ERP44: variants seen among roughly 807,000 people sequenced by gnomAD.
The protein encoded by ERP44 is endoplasmic reticulum protein 44, also known as endoplasmic reticulum resident protein 44.
Under a neutral mutation model 53.4 loss-of-function variants are expected in ERP44, and 25 were observed. The observed-to-expected ratio is 0.47, with a 90% CI of 0.34 to 0.65. The LOEUF (loss-of-function observed/expected upper bound fraction) is 0.65. Ranked by LOEUF, ERP44 falls within the 30% of genes least tolerant of loss-of-function variation. The pLI, the probability that ERP44 is intolerant of heterozygous loss-of-function variation, is 0.01. For synonymous variants in ERP44, 145 were observed against 161.2 expected, an observed-to-expected ratio of 0.90 and a Z score of 0.76; for missense variants, 338 against 493.2, an observed-to-expected ratio of 0.69 and a Z score of 2.98.
At chr9:100,056,229 A>G (rs1261159609) in intron 3 of ERP44, among the ~76,000 whole-genome samples, 1 of 152,168 alleles carries the variant, frequency 6.6e-6, no homozygotes, top group Non-Finnish European at 1.5e-5. Flanking sequence ...AATGGATTGG[A>G]CTACATAATC....
intron 1 of ERP44, among the ~76,000 whole-genome samples, chr9:100,091,040 C>G (rs1000179426): frequency 6.6e-6 from 1 of 152,106 alleles, no homozygotes. Context: ...TACTATTCAG[C>G]CTATGGTTTT....
At chr9:99,999,020 G>GCGCCCGCT in intron 10 of ERP44, 2 of 974,590 alleles carry the variant, frequency 2.1e-6, no homozygotes, top group South Asian at 1.3e-5. Flanking sequence ...GTGGGCAGCG[G>GCGCCCGCT]GCGCAGCTGC....
intron 4 of ERP44, among the ~76,000 whole-genome samples, chr9:100,025,993 A>G (rs1210402287): frequency 5.3e-5 from 8 of 152,234 alleles, no homozygotes; most frequent in African/African-American, 1.9e-4. Flanking sequence ...CATGAAAACA[A>G]TGAAGACTAA....
At chr9:100,091,284 C>T (rs1324381622) in intron 1 of ERP44, among the ~76,000 whole-genome samples, 2 of 152,134 alleles carry the variant, frequency 1.3e-5, no homozygotes, top group South Asian at 2.1e-4. Context: ...AGTTAGAATT[C>T]GATTTCAGTC....
chr9:100,032,243 A>C (rs1825800042), intron 4 of ERP44, among the ~76,000 whole-genome samples: 1 of 152,222 alleles, frequency 6.6e-6, no homozygotes, highest in Non-Finnish European at 1.5e-5. Context: ...CTGTTCCTCC[A>C]GGGCTCCACC....
chr9:100,009,934 GAA>G (rs904125677), intron 8 of ERP44, among the ~76,000 whole-genome samples: 5 of 47,072 alleles, frequency 1.1e-4, no homozygotes, highest in African/African-American at 2.2e-4. Context: ...CCTGTCAAAG[GAA>G]AATTCTTTTT....
At chr9:100,005,454 G>C (rs956649821) in intron 10 of ERP44, among the ~76,000 whole-genome samples, 1 of 152,184 alleles carries the variant, frequency 6.6e-6, no homozygotes, top group Admixed American at 6.5e-5. Context: ...TTAATGAATT[G>C]ATAGCTTGAA....
At chr9:100,034,942 T>A (rs1228848135) in intron 4 of ERP44, among the ~76,000 whole-genome samples, 1 of 152,124 alleles carries the variant, frequency 6.6e-6, no homozygotes, top group Non-Finnish European at 1.5e-5. Flanking sequence ...CCACCTGATC[T>A]TCTACAAAAT....
chr9:100,023,259 G>A (rs1830613681), intron 4 of ERP44, among the ~76,000 whole-genome samples: 1 of 151,838 alleles, frequency 6.6e-6, no homozygotes, highest in Non-Finnish European at 1.5e-5. Flanking sequence ...GATTAAATTG[G>A]TACTACAAAT....
chr9:99,988,461 T>C (rs1830218372), intron 10 of ERP44, among the ~76,000 whole-genome samples: 1 of 152,220 alleles, frequency 6.6e-6, no homozygotes, highest in Non-Finnish European at 1.5e-5. Context: ...TTTTTTGGTA[T>C]GAGGACATTC....
rs367964643 is a variant in ERP44 at position 100,017,770 on chromosome 9, G to A, written c.645+486C>T. Among the ~76,000 whole-genome samples the A allele has an allele frequency of 2.1e-3, 316 of 152,272 alleles. 1 individual carries two copies. The highest frequency in any genetic ancestry group is 7.3e-3 in the African/African-American group (302 of 41,548). On this transcript the variant is annotated intron_variant, in intron 7 of 11. Transcript: ENST00000262455. The stretch of plus-strand genomic sequence containing the variant: ...TCTTAGTTATGGCTACCATCACCTG[G>A]TAGGGCCTAAGCAGCTACTTAAAAC...
chr9:100,091,788 G>A (rs1354334070), intron 1 of ERP44, among the ~76,000 whole-genome samples: 1 of 152,086 alleles, frequency 6.6e-6, no homozygotes, highest in Non-Finnish European at 1.5e-5. Flanking sequence ...GAATCATCTG[G>A]GTATAAGTTC....
rs1465369327 is a variant in ERP44, at chr9:99,981,446, C to CAAGT, written c.*1162_*1165dup. 3 of 152,602 alleles carry CAAGT rather than the reference C, an allele frequency of 2.0e-5. No individual in the cohort carries two copies. Among genetic ancestry groups the CAAGT allele is most frequent in the Admixed American group, 6.5e-5 (1 of 15,290 alleles). 9.5% of individuals were successfully genotyped at this position (152,602 alleles called of 1,614,324 possible). A position where few individuals can be genotyped will look rare whatever the true frequency, so the allele number is the denominator to read the frequency against. On this transcript the variant is annotated 3_prime_UTR_variant, in exon 12 of 12. Coordinates refer to ENST00000262455, the MANE Select transcript of ERP44 (RefSeq NM_015051.3). ...TCCCAAACTGGGATTGATTTATACC[C>CAAGT]AAGTATAAAATGACCCTTGGCCTAT...
At chr9:100,057,035 A>T (rs1426649240) in intron 3 of ERP44, among the ~76,000 whole-genome samples, 1 of 152,250 alleles carries the variant, frequency 6.6e-6, no homozygotes, top group Non-Finnish European at 1.5e-5. Flanking sequence ...CTAGAGGCAC[A>T]GAAAAGAAAT....
chr9:100,008,723 TA>T (rs1166633599), intron 8 of ERP44, among the ~76,000 whole-genome samples: 1 of 152,206 alleles, frequency 6.6e-6, no homozygotes, highest in Non-Finnish European at 1.5e-5. Flanking sequence ...TTGTTACATT[TA>T]TTTTTTTAAA....
chr9:100,049,332 A>G (rs1826011835), intron 4 of ERP44, among the ~76,000 whole-genome samples: 1 of 152,198 alleles, frequency 6.6e-6, no homozygotes, highest in African/African-American at 2.4e-5. Flanking sequence ...GGAAGGTCCG[A>G]GACTGCAGTG....
chr9:99,982,694 C>T lies in ERP44; in HGVS notation c.1139G>A (p.Ser380Asn). ...APGEQAQDVA[S>N]SPPESSFQKL... ...CTGGAAGGAGCTCTCAGGTGGACTG[C>T]TTGCTACATCTTGGGCTTGCTACAA... Residue 380 changes from serine (S) to asparagine (N), a missense_variant, in exon 12 of 12, where the codon AGC becomes AAC. Ser to Asn is a conservative substitution (Grantham distance 46). Coordinates refer to ENST00000262455, the MANE Select transcript of ERP44 (RefSeq NM_015051.3). The T allele has an allele frequency of 4.4e-6, 7 of 1,607,230 alleles. No individual in the cohort carries two copies. Among genetic ancestry groups the T allele is most frequent in the Non-Finnish European group, 5.9e-6 (7 of 1,177,526 alleles).
intron 10 of ERP44, among the ~76,000 whole-genome samples, chr9:99,992,510 C>T (rs1257316389): frequency 1.3e-5 from 2 of 152,160 alleles, no homozygotes; most frequent in East Asian, 3.9e-4. Context: ...ATTGATGGAA[C>T]GTATCTCTAA....
rs371293389 is a variant in ERP44 at position 100,081,433 on chromosome 9, A to T, written c.57+17351T>A. On this transcript the variant is annotated intron_variant, in intron 1 of 11. Transcript: ENST00000262455. ...AATAGCACAGCAGCAACATCTGTAA[A>T]GCAGAAATTATGGGAGATACAAGTA... Among the ~76,000 whole-genome samples, 25 of 152,308 alleles carry T rather than the reference A, an allele frequency of 1.6e-4. No homozygotes were observed. The East Asian group carries it at 4.6e-3, about 28-fold the overall frequency.
Sources: gnomAD v4.1 joint callset for allele counts (sites outside exome capture counted in the v4.1 genomes callset) on GRCh38, gnomAD v4.1.1 for gene constraint, MANE v1.5 for transcripts, NCBI Gene and HGNC (gene_info 2026-07-23, HGNC 2026-07-21) for gene names.